ZNF385D: variants seen among roughly 807,000 people sequenced by gnomAD.
ZNF385D encodes zinc finger protein 385D, also known as zinc finger protein 659.
ZNF385D carries 15 observed loss-of-function variants against 35.8 expected under a neutral mutation model. The ratio of observed to expected loss-of-function variants is 0.42; its 90% confidence interval spans 0.28 to 0.64. ZNF385D has a LOEUF of 0.64. ZNF385D is among the 30% of genes least tolerant of loss of function. The pLI is 0.23. For missense variants in ZNF385D, 474 were observed against 494.6 expected (o/e 0.96, Z 0.39); for synonymous variants, 212 against 186.8 (o/e 1.13, Z -1.10).
intron 3 of ZNF385D, among the ~76,000 whole-genome samples, chr3:21,906,970 C>A (rs1699714315): frequency 6.6e-6 from 1 of 152,158 alleles, no homozygotes; most frequent in African/African-American, 2.4e-5. Context: ...GCTAGCAGTG[C>A]AGTCAGACTC....
At chr3:21,636,388 A>ATTAT (rs367979581) in intron 2 of ZNF385D, among the ~76,000 whole-genome samples, 2 of 43,484 alleles carry the variant, frequency 4.6e-5, no homozygotes, top group Non-Finnish European at 8.0e-5. Flanking sequence ...TTATATATAT[A>ATTAT]TATATATATA....
chr3:21,642,754 A>G (rs1426929084), intron 2 of ZNF385D, among the ~76,000 whole-genome samples: 4 of 152,178 alleles, frequency 2.6e-5, no homozygotes, highest in Non-Finnish European at 1.5e-5. Flanking sequence ...ACAATGGAAT[A>G]TTATTAAGTC....
At chr3:22,367,656 C>A (rs1696715810) in intron 2 of ZNF385D, among the ~76,000 whole-genome samples, 1 of 151,788 alleles carries the variant, frequency 6.6e-6, no homozygotes, top group Non-Finnish European at 1.5e-5. Context: ...TTAAGGAGCA[C>A]CTGAAAGAAA....
chr3:22,319,717 T>C (rs1694309579), intron 2 of ZNF385D, among the ~76,000 whole-genome samples: 1 of 152,072 alleles, frequency 6.6e-6, no homozygotes. Flanking sequence ...TACAAAAATA[T>C]TGGTAAAATT....
At chr3:21,974,974 G>A (rs2125351285) in intron 3 of ZNF385D, among the ~76,000 whole-genome samples, 1 of 152,160 alleles carries the variant, frequency 6.6e-6, no homozygotes, top group East Asian at 1.9e-4. Context: ...TAGTGGAAAT[G>A]AAATTAGTAC....
intron 3 of ZNF385D, among the ~76,000 whole-genome samples, chr3:21,935,424 T>C (rs1038166191): frequency 4.6e-5 from 7 of 152,096 alleles, no homozygotes; most frequent in Non-Finnish European, 7.4e-5. Context: ...AATGAAGAAA[T>C]TGGGACATAG....
intron 3 of ZNF385D, among the ~76,000 whole-genome samples, chr3:21,889,358 A>T (rs961756315): frequency 1.3e-5 from 2 of 152,054 alleles, no homozygotes; most frequent in African/African-American, 4.8e-5. Flanking sequence ...GCGCCAGACG[A>T]CCTAGCCTGA....
intron 3 of ZNF385D, among the ~76,000 whole-genome samples, chr3:22,162,091 C>A (rs887281902): frequency 5.9e-5 from 9 of 152,116 alleles, no homozygotes; most frequent in Admixed American, 2.6e-4. Context: ...CTTCTCATTT[C>A]TTTTGCATTT....
At chr3:22,179,941 C>A (rs1201633981) in intron 2 of ZNF385D, among the ~76,000 whole-genome samples, 3 of 152,150 alleles carry the variant, frequency 2.0e-5, no homozygotes, top group South Asian at 4.2e-4. Flanking sequence ...AAGATCAGAG[C>A]AGAACTGAAG....
At position 21,996,856 on chromosome 3, in the gene ZNF385D, C is replaced by T. The variant is rs182558459; in HGVS notation, c.325+171961G>A. 4.6e-5 allele frequency among the ~76,000 whole-genome samples: 7 copies of T among 152,168 alleles called. No homozygotes were observed. The East Asian group carries it at 7.7e-4, about 17-fold the overall frequency. ...CATATTTCTATTGGAAAAAGAGAAG[C>T]GATTAATTTATTGCTTCTCTGCCCG... On this transcript the variant is annotated intron_variant, in intron 3 of 5. Transcript: ENST00000494108.
chr3:21,922,146 C>A (rs1700496865), intron 3 of ZNF385D, among the ~76,000 whole-genome samples: 1 of 137,180 alleles, frequency 7.3e-6, no homozygotes. Context: ...GATAACATGA[C>A]AAATGGAAAA....
intron 3 of ZNF385D, among the ~76,000 whole-genome samples, chr3:22,090,870 C>A (rs921636397): frequency 6.6e-6 from 1 of 152,154 alleles, no homozygotes; most frequent in African/African-American, 2.4e-5. Flanking sequence ...GTAATAACCT[C>A]ACCTGTTGGA....
At chr3:21,804,521 C>T (rs1252775520) in intron 3 of ZNF385D, among the ~76,000 whole-genome samples, 1 of 152,084 alleles carries the variant, frequency 6.6e-6, no homozygotes, top group Non-Finnish European at 1.5e-5. Context: ...AGTGATATTT[C>T]TTTTTCATTT....
At chr3:21,858,841 A>T (rs576562756) in intron 3 of ZNF385D, among the ~76,000 whole-genome samples, 119 of 152,198 alleles carry the variant, frequency 7.8e-4, no homozygotes, top group Non-Finnish European at 1.4e-3. Flanking sequence ...TCATTAATTC[A>T]ATATCCTGCC....
chr3:21,694,562 C>T (rs1022457152), intron 1 of ZNF385D, among the ~76,000 whole-genome samples: 4 of 152,144 alleles, frequency 2.6e-5, no homozygotes, highest in South Asian at 2.1e-4. Flanking sequence ...TTGCAGCATC[C>T]CTTGCTCGAT....
chr3:21,631,478 C>T (rs578128142), intron 2 of ZNF385D, among the ~76,000 whole-genome samples: 1 of 152,164 alleles, frequency 6.6e-6, no homozygotes, highest in East Asian at 1.9e-4. Flanking sequence ...TTTTAAAAAT[C>T]CCTCTTTGGA....
chr3:21,969,546 G>T (rs1355684504), intron 3 of ZNF385D, among the ~76,000 whole-genome samples: 1 of 152,092 alleles, frequency 6.6e-6, no homozygotes, highest in South Asian at 2.1e-4. Context: ...TTAGGTAAAC[G>T]GACTAATTAA....
chr3:21,577,558 A>G (rs1407927730), intron 2 of ZNF385D, among the ~76,000 whole-genome samples: 1 of 152,078 alleles, frequency 6.6e-6, no homozygotes, highest in Non-Finnish European at 1.5e-5. Context: ...TAGTAGTTCT[A>G]TGTTTAGTTT....
intron 2 of ZNF385D, among the ~76,000 whole-genome samples, chr3:22,202,271 T>G (rs1288134257): frequency 6.6e-6 from 1 of 152,136 alleles, no homozygotes; most frequent in Non-Finnish European, 1.5e-5. Context: ...CATCTGTTAC[T>G]GACATTGTAA....
Sources: allele counts gnomAD v4.1 joint callset (sites outside exome capture counted in the v4.1 genomes callset), GRCh38; gene constraint gnomAD v4.1.1; transcripts MANE v1.5; gene names NCBI Gene and HGNC (gene_info 2026-07-23, HGNC 2026-07-21).